CELF1: variants seen among roughly 807,000 people sequenced by gnomAD.
The protein encoded by CELF1 is CUGBP Elav-like family member 1.
In CELF1, 10 loss-of-function variants were observed where a neutral mutation model predicts 61.8. The ratio of observed to expected loss-of-function variants is 0.16; its 90% CI spans 0.10 to 0.27. The LOEUF (loss-of-function observed/expected upper bound fraction) is 0.27. Among genes scored for constraint, CELF1 ranks in the 10% least tolerant of loss-of-function variants. The probability of loss-of-function intolerance (pLI) is 1.00; values close to 1 mark genes in which losing one functional copy is unlikely to be tolerated. For missense variants in CELF1, 380 were observed against 639.1 expected (o/e 0.59, Z 4.37); for synonymous variants, 236 against 225.1 (o/e 1.05, Z -0.43).
At chr11:47,550,788 A>C (rs1404381536) in intron 1 of CELF1, among the ~76,000 whole-genome samples, 1 of 152,078 alleles carries the variant, frequency 6.6e-6, no homozygotes, top group Non-Finnish European at 1.5e-5. Flanking sequence ...CTGTCTGCCT[A>C]TTACATCATG....
Position 47,475,397 on chromosome 11 carries a change from A to T in CELF1, c.1212T>A (p.Thr404=), listed in dbSNP as rs2079561187. Residue 404 remains threonine (T), a synonymous_variant, in exon 13 of 15, where the codon ACT becomes ACA. Coordinates refer to ENST00000687097, the MANE Select transcript of CELF1 (RefSeq NM_001376376.1). The part of the protein sequence containing the change: ...IQQYAAAALP[T]LYNQNLLTQQ... ...GTGTCAGAAGATTCTGGTTGTACAG[A>T]GTGGGGAGCGCAGCAGCAGCATATT... is the stretch of plus-strand genomic sequence containing the variant. 6.2e-7 allele frequency: 1 copy of T among 1,613,932 alleles called. No individual in the cohort carries two copies. The highest frequency in any genetic ancestry group is 8.5e-7 in the Non-Finnish European group (1 of 1,180,034).
In CELF1 at chr11:47,489,015, T is replaced by C; in HGVS notation, c.81A>G (p.Lys27=). ...CSLNSSPVSK[K]MNGTLDHPDQ... ...CTGGGTGGTCCAGGGTGCCGTTCATTTTCTTTGAGCTGTGTGAGATAAAAT... is the reference window on the plus strand; with the variant it reads ...CTGGGTGGTCCAGGGTGCCGTTCATCTTCTTTGAGCTGTGTGAGATAAAAT... The change falls in exon 4 of 15, where the codon AAA becomes AAG. Residue 27 remains lysine (K), a synonymous_variant. Transcript: ENST00000687097. The C allele has an allele frequency of 6.3e-7, 1 of 1,585,552 alleles. No homozygotes were observed. The highest frequency in any genetic ancestry group is 8.5e-7 in the Non-Finnish European group (1 of 1,170,962).
At position 47,552,996 on chromosome 11, in the gene CELF1, G is replaced by A. The variant is rs1478630709; in HGVS notation, c.-158C>T. On this transcript the variant is annotated 5_prime_UTR_variant, in exon 1 of 15. Transcript: ENST00000687097. Reference sequence around the variant, plus strand: ...TCCTGCGGCCGCAGCACTCACCAGCGGCTGCACCTGAGCCTGCCGCTGCCT... The same window carrying A: ...TCCTGCGGCCGCAGCACTCACCAGCAGCTGCACCTGAGCCTGCCGCTGCCT... The A allele has an allele frequency of 1.8e-5, 7 of 397,854 alleles. No individual in the cohort carries two copies. In the South Asian group the frequency reaches 6.3e-4, roughly 36 times the overall value. 24.6% of individuals were successfully genotyped at this position (397,854 alleles called of 1,614,324 possible).
At chr11:47,482,566 T>C in intron 9 of CELF1, 129 bp downstream of exon 9, 1 of 815,798 alleles carries the variant, frequency 1.2e-6, no homozygotes, top group South Asian at 1.8e-5. Context: ...TAGTACTACC[T>C]GAATTTTTAC....
At chr11:47,543,915 GAA>G (rs1220737616) in intron 1 of CELF1, among the ~76,000 whole-genome samples, 3 of 152,150 alleles carry the variant, frequency 2.0e-5, no homozygotes, top group African/African-American at 7.2e-5. Flanking sequence ...TTGAAACTAC[GAA>G]GAGACCCAAG....
chr11:47,529,365 G>A (rs1240164303), intron 1 of CELF1, among the ~76,000 whole-genome samples: 1 of 151,982 alleles, frequency 6.6e-6, no homozygotes, highest in East Asian at 1.9e-4. Flanking sequence ...CCCGGGTAAC[G>A]TGGCGAAACC....
chr11:47,527,694 G>C (rs2096296294), intron 1 of CELF1, among the ~76,000 whole-genome samples: 1 of 152,160 alleles, frequency 6.6e-6, no homozygotes, highest in Non-Finnish European at 1.5e-5. Flanking sequence ...ACTTCCCAAA[G>C]AGCAGTTTAC....
chr11:47,504,713 T>A (rs1481281655), intron 1 of CELF1, among the ~76,000 whole-genome samples: 6 of 150,958 alleles, frequency 4.0e-5, no homozygotes, highest in Admixed American at 2.0e-4. Context: ...ACCAGTTTGA[T>A]CAACATGGTG....
intron 1 of CELF1, among the ~76,000 whole-genome samples, chr11:47,522,773 C>T (rs2096007105): frequency 6.7e-6 from 1 of 149,696 alleles, no homozygotes; most frequent in African/African-American, 2.5e-5. Flanking sequence ...CTGCAGTGAG[C>T]TGAGTTCGTG....
intron 3 of CELF1, among the ~76,000 whole-genome samples, chr11:47,489,935 G>GTTTTTTGT (rs1555170256): frequency 2.1e-5 from 1 of 48,226 alleles, no homozygotes; most frequent in African/African-American, 7.8e-5. Flanking sequence ...ATACCATCTT[G>GTTTTTTGT]TTTTTTTTTT....
At chr11:47,484,928 TC>T (rs1425218781) in intron 6 of CELF1, among the ~76,000 whole-genome samples, 1 of 148,066 alleles carries the variant, frequency 6.8e-6, no homozygotes, top group African/African-American at 2.7e-5. Context: ...TCCACCCGCC[TC>T]GGCCTCCCAA....
At chr11:47,534,287 C>T (rs1305604718) in intron 1 of CELF1, among the ~76,000 whole-genome samples, 1 of 151,160 alleles carries the variant, frequency 6.6e-6, no homozygotes, top group African/African-American at 2.4e-5. Context: ...GCCTTGGCCT[C>T]CCAAAGTGCT....
chr11:47,540,701 T>G (rs956432883), intron 1 of CELF1, among the ~76,000 whole-genome samples: 2 of 152,106 alleles, frequency 1.3e-5, no homozygotes, highest in African/African-American at 4.8e-5. Flanking sequence ...CTGGCCAAGA[T>G]GGTGAAACCC....
chr11:47,560,001 C>CA (rs770878595), intron 2 of CELF1, among the ~76,000 whole-genome samples: 5,296 of 75,282 alleles, frequency 0.07, 113 homozygotes, highest in Middle Eastern at 0.11. Flanking sequence ...GACTCTATCT[C>CA]AAAAAAAAAA....
At chr11:47,527,997 G>A (rs966467074) in intron 1 of CELF1, among the ~76,000 whole-genome samples, 28 of 152,200 alleles carry the variant, frequency 1.8e-4, no homozygotes, top group African/African-American at 6.8e-4. Context: ...TCCGGAGGCT[G>A]AGACAGGAGA....
intron 1 of CELF1, among the ~76,000 whole-genome samples, chr11:47,541,197 T>A (rs953192031): frequency 6.6e-6 from 1 of 152,134 alleles, no homozygotes; most frequent in Non-Finnish European, 1.5e-5. Context: ...GTCCAAATAA[T>A]ACTGGGTTAA....
chr11:47,558,697 TATGTCATAATATATA>T (rs2097215612), intron 2 of CELF1, among the ~76,000 whole-genome samples: 1 of 103,672 alleles, frequency 9.6e-6, no homozygotes, highest in Non-Finnish European at 1.8e-5. Flanking sequence ...ATATATAATA[TATGTCATAATATATA>T]ATATTATGAC....
intron 1 of CELF1, among the ~76,000 whole-genome samples, chr11:47,524,164 T>C (rs925734138): frequency 6.6e-6 from 1 of 152,204 alleles, no homozygotes; most frequent in African/African-American, 2.4e-5. Context: ...TTTCAAGATG[T>C]GCACTAAATC....
chr11:47,489,035 TA>T lies in CELF1; in HGVS notation c.72-12del. The T allele has an allele frequency of 6.5e-7, 1 of 1,540,114 alleles. No individual in the cohort carries two copies. The highest frequency in any genetic ancestry group is 8.7e-7 in the Non-Finnish European group (1 of 1,149,206). On this transcript the variant is annotated splice_polypyrimidine_tract_variant and intron_variant, in intron 3 of 14. Coordinates refer to ENST00000687097, the MANE Select transcript of CELF1 (RefSeq NM_001376376.1). ...TTCATTTTCTTTGAGCTGTGTGAGA[TA>T]AAATGAAACTTCTATTATGTAATAA... is the stretch of plus-strand genomic sequence containing the variant.
Sources: gnomAD v4.1 joint callset for allele counts (sites outside exome capture counted in the v4.1 genomes callset) on GRCh38, gnomAD v4.1.1 for gene constraint, MANE v1.5 for transcripts, NCBI Gene and HGNC (gene_info 2026-07-23, HGNC 2026-07-21) for gene names.